The following GNB4 variants were observed in gnomAD, a reference collection of about 807,000 sequenced individuals.
The protein encoded by GNB4 is guanine nucleotide-binding protein subunit beta-4.
GNB4 carries 28 observed loss-of-function variants against 45.2 expected under a neutral mutation model. The ratio of observed to expected loss-of-function variants is 0.62; its 90% CI spans 0.46 to 0.85. The LOEUF (loss-of-function observed/expected upper bound fraction) is 0.85. Among genes scored for constraint, GNB4 ranks in the 40% least tolerant of loss-of-function variants. The pLI, the probability that GNB4 is intolerant of heterozygous loss-of-function variation, is 0.00. For synonymous variants in GNB4, 132 were observed against 143.7 expected, an observed-to-expected ratio of 0.92 and a Z score of 0.58; for missense variants, 321 against 425.4, an observed-to-expected ratio of 0.75 and a Z score of 2.16.
chr3:179,464,537 C>A, the GNB4 span: 6 of 1,597,204 alleles, frequency 3.8e-6, no homozygotes, highest in African/African-American at 6.7e-5. Flanking sequence ...TGGCCTCAGG[C>A]GACAAACGGC....
At chr3:179,444,575 G>A (rs930287961) in intron 1 of GNB4, among the ~76,000 whole-genome samples, 4 of 152,012 alleles carry the variant, frequency 2.6e-5, no homozygotes, top group East Asian at 3.9e-4. Context: ...TCATCGGCAC[G>A]GTGGCATGCA....
At chr3:179,492,707 G>T in the GNB4 span, among the ~76,000 whole-genome samples, 1 of 152,006 alleles carries the variant, frequency 6.6e-6, no homozygotes, top group African/African-American at 2.4e-5. Context: ...CCCTGTCTCC[G>T]CAGCCATTCT....
chr3:179,477,710 T>A, the GNB4 span, among the ~76,000 whole-genome samples: 1 of 152,202 alleles, frequency 6.6e-6, no homozygotes, highest in South Asian at 2.1e-4. Context: ...TATCTCTATT[T>A]TTTTAATGTA....
At chr3:179,409,244 C>T (rs1395494958) in intron 8 of GNB4, among the ~76,000 whole-genome samples, 2 of 151,976 alleles carry the variant, frequency 1.3e-5, no homozygotes, top group Non-Finnish European at 1.5e-5. Flanking sequence ...TGCACAGTGG[C>T]TCATGCCTGT....
At chr3:179,402,091 T>C (rs1298051918) in intron 9 of GNB4, among the ~76,000 whole-genome samples, 2 of 152,222 alleles carry the variant, frequency 1.3e-5, no homozygotes, top group African/African-American at 4.8e-5. Context: ...ATCTTGTAAC[T>C]CTTAATATTC....
intron 1 of GNB4, among the ~76,000 whole-genome samples, chr3:179,440,940 T>A (rs1452167320): frequency 2.0e-5 from 3 of 151,940 alleles, no homozygotes; most frequent in Non-Finnish European, 2.9e-5. Flanking sequence ...TTTAAACTCT[T>A]TTCCAGTCAA....
At chr3:179,430,592 T>A (rs1340549518) in intron 1 of GNB4, among the ~76,000 whole-genome samples, 1 of 150,586 alleles carries the variant, frequency 6.6e-6, no homozygotes, top group Non-Finnish European at 1.5e-5. Flanking sequence ...TAGCTGGGAC[T>A]ACAGGCATGC....
chr3:179,524,615 G>C, the GNB4 span, among the ~76,000 whole-genome samples: 1 of 152,006 alleles, frequency 6.6e-6, no homozygotes, highest in East Asian at 1.9e-4. Flanking sequence ...TTTAAATGTC[G>C]GGAGCTGATT....
At chr3:179,431,501 G>A (rs1429058805) in intron 1 of GNB4, among the ~76,000 whole-genome samples, 3 of 149,700 alleles carry the variant, frequency 2.0e-5, no homozygotes, top group Non-Finnish European at 4.4e-5. Context: ...AGAGGCTGCA[G>A]TGAGCTGAGA....
chr3:179,484,088 T>C, the GNB4 span, among the ~76,000 whole-genome samples: 2 of 152,296 alleles, frequency 1.3e-5, no homozygotes, highest in South Asian at 2.1e-4. Context: ...ATTTATAAAG[T>C]ACACATTTCA....
the GNB4 span, among the ~76,000 whole-genome samples, chr3:179,499,239 G>A: frequency 1.4e-5 from 2 of 146,442 alleles, no homozygotes; most frequent in African/African-American, 5.0e-5. Context: ...CTCACTGCAA[G>A]CTCCGCCTCC....
chr3:179,457,173 C>G, the GNB4 span, among the ~76,000 whole-genome samples: 1 of 152,204 alleles, frequency 6.6e-6, no homozygotes, highest in Non-Finnish European at 1.5e-5. Flanking sequence ...TTGAATGCCT[C>G]TTCTTACCCC....
chr3:179,423,886 A>G (rs1715068267), intron 2 of GNB4, among the ~76,000 whole-genome samples: 2 of 152,220 alleles, frequency 1.3e-5, no homozygotes, highest in Non-Finnish European at 2.9e-5. Flanking sequence ...AAGTCGTATA[A>G]TTCCAGGCCA....
chr3:179,439,959 T>C (rs1211055645), intron 1 of GNB4, among the ~76,000 whole-genome samples: 2 of 152,240 alleles, frequency 1.3e-5, no homozygotes. Context: ...TAAAACATTA[T>C]TCTTGTTCTT....
chr3:179,467,447 A>T, the GNB4 span, among the ~76,000 whole-genome samples: 1 of 152,152 alleles, frequency 6.6e-6, no homozygotes, highest in Admixed American at 6.6e-5. Context: ...GTAATCAAAC[A>T]CTTACTGAGA....
intron 9 of GNB4, 112 bp downstream of exon 9, chr3:179,405,078 G>A (rs538898800): frequency 2.1e-4 from 137 of 664,388 alleles, no homozygotes; most frequent in Admixed American, 8.4e-5. Context: ...GAGAACCATC[G>A]GGTTACCACT....
chr3:179,418,570 G>A (rs1215153124), intron 4 of GNB4, among the ~76,000 whole-genome samples: 1 of 152,032 alleles, frequency 6.6e-6, no homozygotes, highest in African/African-American at 2.4e-5. Flanking sequence ...TTCGTAAGAG[G>A]CACATGTTCT....
At chr3:179,495,122 G>A in the GNB4 span, among the ~76,000 whole-genome samples, 8 of 151,938 alleles carry the variant, frequency 5.3e-5, no homozygotes, top group East Asian at 7.7e-4. Flanking sequence ...GCATGATGGC[G>A]TGTGTCCATA....
At chr3:179,524,494 C>T in the GNB4 span, among the ~76,000 whole-genome samples, 4 of 152,052 alleles carry the variant, frequency 2.6e-5, no homozygotes, top group African/African-American at 9.6e-5. Flanking sequence ...TTTTGTCTCA[C>T]AACAGAGTCA....
Sources: allele counts gnomAD v4.1 joint callset (sites outside exome capture counted in the v4.1 genomes callset), GRCh38; gene constraint gnomAD v4.1.1; transcripts MANE v1.5; gene names NCBI Gene and HGNC (gene_info 2026-07-23, HGNC 2026-07-21).